Variants in EVI5 observed in about 807,000 individuals in gnomAD.
EVI5 encodes ecotropic viral integration site 5, also known as ecotropic viral integration site 5 protein homolog.
Under a neutral mutation model 112.0 loss-of-function variants are expected in EVI5, and 73 were observed. That is an observed-to-expected ratio of 0.65 (90% CI 0.54 to 0.79). The LOEUF (loss-of-function observed/expected upper bound fraction) is 0.79. EVI5 is among the 30% of genes least tolerant of loss of function. EVI5 has a pLI of 0.00. For missense variants in EVI5, 900 were observed against 968.8 expected (o/e 0.93, Z 0.94); for synonymous variants, 305 against 319.9 (o/e 0.95, Z 0.50).
chr1:92,764,618 T>G (rs1682343638), intron 1 of EVI5, among the ~76,000 whole-genome samples: 1 of 152,210 alleles, frequency 6.6e-6, no homozygotes, highest in African/African-American at 2.4e-5. Context: ...CTTGAAGAAT[T>G]AGGATTTATT....
chr1:92,772,845 G>A (rs755221177), intron 1 of EVI5, among the ~76,000 whole-genome samples: 25 of 146,322 alleles, frequency 1.7e-4, no homozygotes, highest in Non-Finnish European at 3.3e-4. Context: ...GGTGGAGGTT[G>A]TACTGAGCCG....
At chr1:92,728,387 CTTTTTTT>C (rs60133611) in intron 2 of EVI5, among the ~76,000 whole-genome samples, 1 of 148,332 alleles carries the variant, frequency 6.7e-6, no homozygotes, top group East Asian at 2.0e-4. Flanking sequence ...TCTTTTTTTT[CTTTTTTT>C]TTTGGAGACA....
chr1:92,674,255 G>A (rs1252184756), intron 10 of EVI5, among the ~76,000 whole-genome samples: 2 of 152,078 alleles, frequency 1.3e-5, no homozygotes, highest in African/African-American at 2.4e-5. Flanking sequence ...CAGGGTCTAA[G>A]TAAAAAAATC....
chr1:92,676,638 G>A (rs1329844081), intron 10 of EVI5, among the ~76,000 whole-genome samples: 1 of 152,138 alleles, frequency 6.6e-6, no homozygotes, highest in African/African-American at 2.4e-5. Context: ...TACATATAGG[G>A]TATTTATATG....
chr1:92,756,671 A>G, intron 1 of EVI5: 1 of 502,744 alleles, frequency 2.0e-6, no homozygotes, highest in Non-Finnish European at 4.1e-6. Flanking sequence ...CAGCAACCTC[A>G]GCATGTCAAA....
intron 18 of EVI5, chr1:92,580,836 G>A (rs6603994): frequency 0.92 from 140,907 of 152,924 alleles, 65,007 homozygotes; most frequent in East Asian, 0.97. Flanking sequence ...AGCACTCTGT[G>A]GGTGGACTAC....
intron 1 of EVI5, chr1:92,784,427 C>T (rs975584114): frequency 2.0e-6 from 2 of 985,250 alleles, no homozygotes; most frequent in African/African-American, 3.5e-5. Flanking sequence ...GCCAACTTTG[C>T]AAGTCAGGGG....
At chr1:92,675,567 T>C (rs1037913834) in intron 10 of EVI5, among the ~76,000 whole-genome samples, 2 of 152,086 alleles carry the variant, frequency 1.3e-5, no homozygotes, top group Admixed American at 1.3e-4. Context: ...GTTCCGAATA[T>C]TCGTAGTATG....
intron 18 of EVI5, among the ~76,000 whole-genome samples, chr1:92,590,273 T>C (rs185329024): frequency 1.7e-3 from 263 of 152,210 alleles, no homozygotes; most frequent in African/African-American, 6.0e-3. Context: ...GAGAATGACT[T>C]TGACGAGTTG....
chr1:92,732,273 ATCATCAG>A, intron 2 of EVI5: 1 of 362,544 alleles, frequency 2.8e-6, no homozygotes, highest in Non-Finnish European at 5.4e-6. Flanking sequence ...CTGAGACACC[ATCATCAG>A]TCAGATCACA....
At chr1:92,642,068 T>C (rs1296012896) in intron 13 of EVI5, among the ~76,000 whole-genome samples, 3 of 151,846 alleles carry the variant, frequency 2.0e-5, no homozygotes, top group Non-Finnish European at 2.9e-5. Context: ...GAGGTGGAGG[T>C]TGCCGTGAGC....
chr1:92,625,007 T>C (rs1437512804), intron 15 of EVI5, among the ~76,000 whole-genome samples: 1 of 152,188 alleles, frequency 6.6e-6, no homozygotes, highest in East Asian at 1.9e-4. Context: ...AGTTCAAATT[T>C]TTTCTCTATA....
At chr1:92,780,044 CAT>C (rs752364119) in intron 1 of EVI5, among the ~76,000 whole-genome samples, 13 of 152,218 alleles carry the variant, frequency 8.5e-5, no homozygotes, top group Non-Finnish European at 1.8e-4. Context: ...ATAATCCCCA[CAT>C]GTCAAGGGCA....
At chr1:92,785,142 C>G (rs1367889705), upstream of EVI5, 1 of 983,834 alleles carries the variant, frequency 1.0e-6, no homozygotes, top group Non-Finnish European at 1.2e-6. Context: ...TAAAGAGACC[C>G]GGCAGCCTCT....
At chr1:92,711,387 T>C (rs751624609) in intron 2 of EVI5, among the ~76,000 whole-genome samples, 17 of 152,164 alleles carry the variant, frequency 1.1e-4, no homozygotes, top group Admixed American at 3.3e-4. Flanking sequence ...GAAAGCAGGA[T>C]ACAACAGCAA....
intron 19 of EVI5, among the ~76,000 whole-genome samples, chr1:92,533,376 C>T (rs954838385): frequency 6.6e-6 from 1 of 152,152 alleles, no homozygotes; most frequent in African/African-American, 2.4e-5. Context: ...GAGATTGTAC[C>T]ATTCCTTCTG....
chr1:92,783,619 G>C (rs1358845183), intron 1 of EVI5, among the ~76,000 whole-genome samples: 3 of 150,916 alleles, frequency 2.0e-5, no homozygotes, highest in Non-Finnish European at 4.4e-5. Context: ...CAAGACCATC[G>C]TGGCCAACAT....
At chr1:92,609,420 C>T (rs919011520) in intron 16 of EVI5, among the ~76,000 whole-genome samples, 3 of 42,624 alleles carry the variant, frequency 7.0e-5, no homozygotes, top group Non-Finnish European at 9.6e-5. Context: ...TGCAGTGGCA[C>T]GACCTTGGCT....
Position 92,570,533 on chromosome 1 carries a change from C to T in EVI5, c.2071-6796G>A, listed in dbSNP as rs1415661146. Among the ~76,000 whole-genome samples the T allele has an allele frequency of 2.0e-5, 3 of 152,022 alleles. No homozygotes were observed. The East Asian group carries it at 5.8e-4, about 29-fold the overall frequency. On this transcript the variant is annotated intron_variant, in intron 18 of 19. Transcript: ENST00000684568. ...CTTGAGGATTTTGGACATCTCATAG[C>T]AATAATATGTGGGATAATATAATAT...
Sources: gnomAD v4.1 joint callset for allele counts (sites outside exome capture counted in the v4.1 genomes callset) on GRCh38, gnomAD v4.1.1 for gene constraint, MANE v1.5 for transcripts, NCBI Gene and HGNC (gene_info 2026-07-23, HGNC 2026-07-21) for gene names.